Variants in TMEM132D observed in about 807,000 individuals in gnomAD.
The protein encoded by TMEM132D is transmembrane protein 132D.
A neutral mutation model predicts 62.3 loss-of-function variants in TMEM132D; 21 were observed. The ratio of observed to expected loss-of-function variants is 0.34; its 90% CI spans 0.24 to 0.49. The LOEUF is 0.49. Ranked by LOEUF, TMEM132D falls within the 20% of genes least tolerant of loss-of-function variation. The pLI, the probability that TMEM132D is intolerant of heterozygous loss-of-function variation, is 0.99. For synonymous variants in TMEM132D, 621 were observed against 575.6 expected (o/e 1.08, Z -1.13); for missense variants, 1,346 against 1,402.8 (o/e 0.96, Z 0.65).
Position 129,614,584 on chromosome 12 carries a change from G to A in TMEM132D, c.969-83379C>T, listed in dbSNP as rs146591969. 8.5e-5 allele frequency among the ~76,000 whole-genome samples: 13 copies of A among 152,286 alleles called. No individual in the cohort carries two copies. In the East Asian group the frequency reaches 1.2e-3, roughly 14 times the overall value. On this transcript the variant is annotated intron_variant, in intron 2 of 8. Transcript: ENST00000422113. ...CTGAAGTATCTTTGCCATAGCGAAC[G>A]GCAGTCCAAAATTCTTCAAGGAAGA...
Position 129,316,117 on chromosome 12 carries a change from T to C in TMEM132D, c.1299+21517A>G, listed in dbSNP as rs116309730. Among the ~76,000 whole-genome samples the C allele has an allele frequency of 7.6e-3, 1,162 of 152,230 alleles. 13 individuals are homozygous for C. The highest frequency in any genetic ancestry group is 0.027 in the African/African-American group (1,106 of 41,560). On this transcript the variant is annotated intron_variant, in intron 4 of 8. Coordinates refer to ENST00000422113, the MANE Select transcript of TMEM132D (RefSeq NM_133448.3). ...CTTTTTGTTTCATTTGTCTTTTGTATTTTTGTTGTTGTTCTTTCAATTTTA... is the reference window on the plus strand; with the variant it reads ...CTTTTTGTTTCATTTGTCTTTTGTACTTTTGTTGTTGTTCTTTCAATTTTA...
intron 3 of TMEM132D, among the ~76,000 whole-genome samples, chr12:129,420,536 C>A (rs1373312466): frequency 6.6e-6 from 1 of 152,004 alleles, no homozygotes; most frequent in Non-Finnish European, 1.5e-5. Context: ...AACAGGACAG[C>A]CGCAACAGGC....
intron 2 of TMEM132D, among the ~76,000 whole-genome samples, chr12:129,534,240 G>C (rs1213315022): frequency 6.6e-6 from 1 of 152,040 alleles, no homozygotes; most frequent in East Asian, 1.9e-4. Flanking sequence ...TGATTTTGAA[G>C]ATACTTTGCT....
chr12:129,324,306 A>G (rs895978286), intron 4 of TMEM132D, among the ~76,000 whole-genome samples: 2 of 152,176 alleles, frequency 1.3e-5, no homozygotes, highest in African/African-American at 4.8e-5. Context: ...TAAACAGTGG[A>G]CCAATACATT....
chr12:129,185,466 G>T (rs1321094723), intron 5 of TMEM132D, among the ~76,000 whole-genome samples: 1 of 152,072 alleles, frequency 6.6e-6, no homozygotes, highest in African/African-American at 2.4e-5. Flanking sequence ...TTTCCCAGTT[G>T]TTTAGAAAGT....
chr12:129,474,602 G>A (rs1874205102), intron 3 of TMEM132D, among the ~76,000 whole-genome samples: 1 of 152,220 alleles, frequency 6.6e-6, no homozygotes, highest in African/African-American at 2.4e-5. Flanking sequence ...CAGTGACAGA[G>A]CACTGAACTG....
At chr12:129,590,525 T>C (rs776519029) in intron 2 of TMEM132D, among the ~76,000 whole-genome samples, 1 of 152,250 alleles carries the variant, frequency 6.6e-6, no homozygotes, top group African/African-American at 2.4e-5. Context: ...TCTGGCAACA[T>C]GTCCAATGAA....
intron 3 of TMEM132D, among the ~76,000 whole-genome samples, chr12:129,391,013 A>G (rs1871275673): frequency 6.6e-6 from 1 of 152,234 alleles, no homozygotes; most frequent in Non-Finnish European, 1.5e-5. Flanking sequence ...TCTAGCACAC[A>G]GTACAGTACG....
intron 3 of TMEM132D, among the ~76,000 whole-genome samples, chr12:129,507,618 A>G (rs1364139662): frequency 6.6e-6 from 1 of 152,212 alleles, no homozygotes; most frequent in Non-Finnish European, 1.5e-5. Flanking sequence ...TGGAAAACCA[A>G]ACATCGTATG....
intron 1 of TMEM132D, among the ~76,000 whole-genome samples, chr12:129,890,647 C>T (rs537663727): frequency 6.6e-6 from 1 of 152,342 alleles, no homozygotes; most frequent in South Asian, 2.1e-4. Context: ...TTCCTCACAT[C>T]ACGCAATCAG....
chr12:129,377,418 G>T (rs551085484), intron 3 of TMEM132D, among the ~76,000 whole-genome samples: 2 of 152,152 alleles, frequency 1.3e-5, no homozygotes, highest in Non-Finnish European at 2.9e-5. Context: ...TTCAAGATGG[G>T]GTGTGAGTCA....
chr12:129,201,066 TA>T (rs1319644079), intron 5 of TMEM132D, among the ~76,000 whole-genome samples: 7 of 152,224 alleles, frequency 4.6e-5, no homozygotes, highest in African/African-American at 1.4e-4. Flanking sequence ...AAATGCTGTA[TA>T]ATAAAGCAGG....
intron 2 of TMEM132D, among the ~76,000 whole-genome samples, chr12:129,637,556 T>C (rs1020337254): frequency 1.3e-5 from 2 of 152,182 alleles, no homozygotes; most frequent in African/African-American, 4.8e-5. Context: ...CCCTTCCTCC[T>C]GGTCTGGCCA....
At chr12:129,524,996 G>A (rs1875978103) in intron 3 of TMEM132D, among the ~76,000 whole-genome samples, 1 of 126,702 alleles carries the variant, frequency 7.9e-6, no homozygotes, top group African/African-American at 3.1e-5. Flanking sequence ...CGCGATCTTG[G>A]CTCACTGCAA....
chr12:129,356,027 C>G (rs1870031962), intron 3 of TMEM132D, among the ~76,000 whole-genome samples: 1 of 152,146 alleles, frequency 6.6e-6, no homozygotes, highest in Non-Finnish European at 1.5e-5. Context: ...TTTGGGTTCT[C>G]CACCCATTCC....
chr12:129,669,759 A>T (rs913332070), intron 2 of TMEM132D, among the ~76,000 whole-genome samples: 3 of 151,816 alleles, frequency 2.0e-5, no homozygotes, highest in African/African-American at 7.3e-5. Context: ...CAAAACTGGG[A>T]TCTGTACTCC....
At chr12:129,077,552 C>T (rs1315932934) in intron 8 of TMEM132D, among the ~76,000 whole-genome samples, 2 of 152,096 alleles carry the variant, frequency 1.3e-5, no homozygotes, top group African/African-American at 4.8e-5. Context: ...ATGCATCACA[C>T]ACATACACAC....
intron 3 of TMEM132D, among the ~76,000 whole-genome samples, chr12:129,442,265 G>A (rs745839283): frequency 3.9e-5 from 6 of 152,234 alleles, no homozygotes; most frequent in Non-Finnish European, 5.9e-5. Context: ...ATTCAGAGCA[G>A]AGAAGGGAAG....
chr12:129,133,295 A>T (rs1423629675), intron 5 of TMEM132D, among the ~76,000 whole-genome samples: 1 of 152,254 alleles, frequency 6.6e-6, no homozygotes, highest in Non-Finnish European at 1.5e-5. Context: ...ATGTTGCATA[A>T]CAAGAACTAT....
Sources: allele counts gnomAD v4.1 joint callset (sites outside exome capture counted in the v4.1 genomes callset), GRCh38; gene constraint gnomAD v4.1.1; transcripts MANE v1.5; gene names NCBI Gene and HGNC (gene_info 2026-07-23, HGNC 2026-07-21).